Variants in ARHGEF18 observed in about 807,000 individuals in gnomAD.
ARHGEF18 encodes Rho/Rac guanine nucleotide exchange factor 18, also known as rho guanine nucleotide exchange factor 18.
Under a neutral mutation model 155.7 loss-of-function variants are expected in ARHGEF18, and 93 were observed. That is an observed-to-expected ratio of 0.60 (90% CI 0.50 to 0.71). The LOEUF (loss-of-function observed/expected upper bound fraction) is 0.71. Ranked by LOEUF, ARHGEF18 falls within the 30% of genes least tolerant of loss-of-function variation. The pLI, the probability that ARHGEF18 is intolerant of heterozygous loss-of-function variation, is 0.00. For synonymous variants in ARHGEF18, 742 were observed against 753.1 expected (o/e 0.99, Z 0.24); for missense variants, 1,593 against 1,816.1 (o/e 0.88, Z 2.23).
intron 16 of ARHGEF18, 39 bp downstream of exon 16, chr19:7,451,305 T>C (rs756801409): frequency 1.3e-6 from 2 of 1,558,248 alleles, no homozygotes; most frequent in Admixed American, 3.4e-5. Flanking sequence ...CCCGTGCTGC[T>C]GCAGCACAGG....
intron 10 of ARHGEF18, among the ~76,000 whole-genome samples, chr19:7,409,547 C>A (rs1043578711): frequency 4.6e-5 from 7 of 151,254 alleles, no homozygotes; most frequent in African/African-American, 1.7e-4. Context: ...CCTGCCTCAG[C>A]CTCCCAAGTA....
chr19:7,370,028 C>G (rs2145390142), intron 2 of ARHGEF18, among the ~76,000 whole-genome samples: 1 of 152,122 alleles, frequency 6.6e-6, no homozygotes, highest in Non-Finnish European at 1.5e-5. Context: ...GAAACCGTGT[C>G]TCTACTGAAA....
In ARHGEF18 at chr19:7,391,606, CCTAA is replaced by C. The variant is rs375672096; in HGVS notation, c.967+8406_967+8409del. On this transcript the variant is annotated intron_variant, in intron 10 of 28. Coordinates refer to ENST00000668164, the MANE Select transcript of ARHGEF18 (RefSeq NM_001367823.1). ...GCTGTTCCTGGAACTCCCTCTCCCA[CCTAA>C]CTCTTACTCATCCTTTTAAGACAAA... 1.6e-4 allele frequency among the ~76,000 whole-genome samples: 24 copies of C among 152,268 alleles called. 1 individual carries two copies. The highest frequency in any genetic ancestry group is 5.5e-4 in the African/African-American group (23 of 41,560).
intron 1 of ARHGEF18, among the ~76,000 whole-genome samples, chr19:7,358,718 C>A (rs1311861706): frequency 2.0e-5 from 3 of 152,242 alleles, no homozygotes; most frequent in African/African-American, 7.2e-5. Context: ...AGCTCTACCT[C>A]ATACCAGATT....
At chr19:7,458,243 C>T (rs1030608368) in intron 18 of ARHGEF18, among the ~76,000 whole-genome samples, 16 of 145,206 alleles carry the variant, frequency 1.1e-4, no homozygotes, top group African/African-American at 3.9e-4. Flanking sequence ...ACAATGATTG[C>T]ACCACTGCAC....
At chr19:7,439,611 C>T (rs960730651) in intron 10 of ARHGEF18, 2 of 995,842 alleles carry the variant, frequency 2.0e-6, no homozygotes, top group Non-Finnish European at 1.2e-6. Context: ...TTATAATCAC[C>T]ATATGGAACA....
chr19:7,412,540 CA>C (rs1972749793), intron 10 of ARHGEF18, among the ~76,000 whole-genome samples: 1 of 151,598 alleles, frequency 6.6e-6, no homozygotes, highest in Admixed American at 6.6e-5. Context: ...TCAGGAGTTC[CA>C]GACCAGCCTG....
rs1442552996 is a variant in ARHGEF18 at position 7,467,409 on chromosome 19, C to T, written c.3205C>T (p.Arg1069Cys). 2 of 1,532,688 alleles carry T rather than the reference C, an allele frequency of 1.3e-6. No individual in the cohort carries two copies. Among genetic ancestry groups the T allele is most frequent in the African/African-American group, 1.4e-5 (1 of 73,012 alleles). The allele number at this position is 1,532,688 out of a possible 1,614,324, so 94.9% of individuals were successfully genotyped here. Residue 1069 changes from arginine (R) to cysteine (C), a missense_variant, in exon 26 of 29, where the codon CGC becomes TGC. Transcript: ENST00000668164. ...GAGCCAGCTGCGGCACGAGCAGCAGCGCTGGGAGCGCGAGCGCCAGTGGCA... is the reference window on the plus strand; with the variant it reads ...GAGCCAGCTGCGGCACGAGCAGCAGTGCTGGGAGCGCGAGCGCCAGTGGCA... ...LQSQLRHEQQ[R>C]WERERQWQHQ...
intron 10 of ARHGEF18, among the ~76,000 whole-genome samples, chr19:7,412,617 C>T (rs559945728): frequency 1.7e-4 from 26 of 151,792 alleles, no homozygotes; most frequent in Admixed American, 1.1e-3. Flanking sequence ...TGGCAGGCGC[C>T]TGTAATCCCA....
At chr19:7,404,069 A>G (rs1389855863) in intron 10 of ARHGEF18, among the ~76,000 whole-genome samples, 1 of 148,762 alleles carries the variant, frequency 6.7e-6, no homozygotes, top group Non-Finnish European at 1.5e-5. Context: ...CTCCGTCTCA[A>G]AAAAAAAAAA....
At chr19:7,351,086 G>A (rs555957441) in intron 1 of ARHGEF18, among the ~76,000 whole-genome samples, 1 of 152,264 alleles carries the variant, frequency 6.6e-6, no homozygotes, top group South Asian at 2.1e-4. Flanking sequence ...TTACAGGCAT[G>A]AACCACCTCG....
rs985914209 is a variant in ARHGEF18, at chr19:7,367,870, T to G, written c.16-4942T>G. ...TATATATATATACACATATATATTTTTATATATATATATTTTATATATATT... is the reference window on the plus strand; with the variant it reads ...TATATATATATACACATATATATTTGTATATATATATATTTTATATATATT... On this transcript the variant is annotated intron_variant, in intron 2 of 28. Transcript: ENST00000668164. Among the ~76,000 whole-genome samples the G allele has an allele frequency of 1.8e-4, 11 of 59,860 alleles. No individual in the cohort carries two copies. The East Asian group carries it at 4.5e-3, about 24-fold the overall frequency. 39.3% of individuals were successfully genotyped at this position (59,860 alleles called of 152,430 possible). A position where few individuals can be genotyped will look rare whatever the true frequency, so the allele number is the denominator to read the frequency against.
At chr19:7,365,555 A>G (rs1486420344) in intron 2 of ARHGEF18, among the ~76,000 whole-genome samples, 4 of 152,196 alleles carry the variant, frequency 2.6e-5, no homozygotes, top group African/African-American at 9.6e-5. Context: ...AAAGAGAACC[A>G]TGGGATGCAG....
chr19:7,468,612 T>C (rs1976808925), intron 26 of ARHGEF18, among the ~76,000 whole-genome samples: 1 of 152,120 alleles, frequency 6.6e-6, no homozygotes, highest in Admixed American at 6.5e-5. Flanking sequence ...TGTATATGAG[T>C]GTGTGACAGT....
chr19:7,360,837 T>G (rs1284123682), intron 1 of ARHGEF18, among the ~76,000 whole-genome samples: 1 of 152,126 alleles, frequency 6.6e-6, no homozygotes, highest in African/African-American at 2.4e-5. Flanking sequence ...GGCTTCTGGG[T>G]GGGGAAGAGA....
chr19:7,451,484 T>C (rs1416260009), intron 16 of ARHGEF18, among the ~76,000 whole-genome samples: 1 of 151,122 alleles, frequency 6.6e-6, no homozygotes, highest in Non-Finnish European at 1.5e-5. Context: ...TCATAGCTCA[T>C]TGCACAGCCT....
At chr19:7,410,407 T>C (rs1156777079) in intron 10 of ARHGEF18, among the ~76,000 whole-genome samples, 2 of 151,906 alleles carry the variant, frequency 1.3e-5, no homozygotes, top group Non-Finnish European at 2.9e-5. Flanking sequence ...CACACACACA[T>C]ACATACACAC....
intron 10 of ARHGEF18, among the ~76,000 whole-genome samples, chr19:7,401,233 G>T (rs1241796959): frequency 6.6e-6 from 1 of 152,120 alleles, no homozygotes; most frequent in African/African-American, 2.4e-5. Context: ...GGCCAGTGGT[G>T]GGTCCGTGTG....
chr19:7,419,958 GC>G (rs1179742296), intron 10 of ARHGEF18, among the ~76,000 whole-genome samples: 2 of 112,826 alleles, frequency 1.8e-5, no homozygotes, highest in Non-Finnish European at 3.2e-5. Flanking sequence ...CTCACACTCG[GC>G]CCTCATACCC....
Sources: allele counts gnomAD v4.1 joint callset (sites outside exome capture counted in the v4.1 genomes callset), GRCh38; gene constraint gnomAD v4.1.1; transcripts MANE v1.5; gene names NCBI Gene and HGNC (gene_info 2026-07-23, HGNC 2026-07-21).